Variants in CALN1 observed in about 807,000 individuals in gnomAD.
The protein encoded by CALN1 is calneuron 1, also known as calcium-binding protein 8.
Under a neutral mutation model 30.6 loss-of-function variants are expected in CALN1, and 17 were observed. The observed-to-expected ratio is 0.56, with a 90% confidence interval of 0.38 to 0.83. The LOEUF is 0.83. Among genes scored for constraint, CALN1 ranks in the 40% least tolerant of loss-of-function variants. The pLI is 0.00. For missense variants in CALN1, 291 were observed against 354.9 expected, an observed-to-expected ratio of 0.82 and a Z score of 1.45; for synonymous variants, 156 against 131.4, an observed-to-expected ratio of 1.19 and a Z score of -1.28.
chr7:72,143,527 T>C (rs1810114037), intron 3 of CALN1, among the ~76,000 whole-genome samples: 1 of 152,096 alleles, frequency 6.6e-6, no homozygotes, highest in Non-Finnish European at 1.5e-5. Context: ...ACGGGGAGAA[T>C]GGAACCAAGT....
chr7:72,446,481 G>C lies in CALN1; in HGVS notation c.-226+561C>G, dbSNP rs1033189800. Among the ~76,000 whole-genome samples the C allele has an allele frequency of 5.4e-5, 8 of 148,464 alleles. No individual in the cohort carries two copies. The East Asian group carries it at 1.5e-3, about 27-fold the overall frequency. On this transcript the variant is annotated intron_variant, in intron 1 of 6. Transcript: ENST00000395276. Reference sequence around the variant, plus strand: ...ACAGCAAGCATTTGAAAGGAGCAGCGTTCAGAGAGTAAAGACGAGGGGAGA... The same window carrying C: ...ACAGCAAGCATTTGAAAGGAGCAGCCTTCAGAGAGTAAAGACGAGGGGAGA...
Position 71,785,754 on chromosome 7 carries a change from G to C in CALN1, c.*2021C>G, listed in dbSNP as rs534399470. 1 of 152,576 alleles carries C rather than the reference G, an allele frequency of 6.6e-6. No homozygotes were observed. The highest frequency in any genetic ancestry group is 1.5e-5 in the Non-Finnish European group (1 of 68,234). The allele number at this position is 152,576 out of a possible 1,614,324, so 9.5% of individuals were successfully genotyped here. The stretch of plus-strand genomic sequence containing the variant: ...TGTATTAATATTCTGCATTTGGACC[G>C]GTTCTAGTTGAGAATTCCAATCCTA... On this transcript the variant is annotated 3_prime_UTR_variant, in exon 7 of 7. Coordinates refer to ENST00000395275, the MANE Select transcript of CALN1 (RefSeq NM_031468.4).
In CALN1 at chr7:71,979,869, C is replaced by CTTTT. The variant is rs555621436; in HGVS notation, c.501+43784_501+43787dup. 3.7e-4 allele frequency among the ~76,000 whole-genome samples: 33 copies of CTTTT among 89,680 alleles called. No individual in the cohort carries two copies. The East Asian group carries it at 3.7e-3, about 10-fold the overall frequency. 58.8% of individuals were successfully genotyped at this position (89,680 alleles called of 152,430 possible). A position where few individuals can be genotyped will look rare whatever the true frequency, so the allele number is the denominator to read the frequency against. Reference sequence around the variant, plus strand: ...ATAAAATCTCAGACACATCAGGATTCTTTTTTTTTTTTTTTTTTTTTTTTT... The same window carrying CTTTT: ...ATAAAATCTCAGACACATCAGGATTCTTTTTTTTTTTTTTTTTTTTTTTTTTTTT... On this transcript the variant is annotated intron_variant, in intron 5 of 6. Transcript: ENST00000395275.
intron 3 of CALN1, among the ~76,000 whole-genome samples, chr7:72,259,632 C>T (rs1796142025): frequency 6.6e-6 from 1 of 152,042 alleles, no homozygotes; most frequent in South Asian, 2.1e-4. Flanking sequence ...ACTTTTAATC[C>T]CTTTCACATT....
intron 3 of CALN1, among the ~76,000 whole-genome samples, chr7:72,208,935 TTC>T (rs1304380039): frequency 6.6e-6 from 1 of 151,950 alleles, no homozygotes; most frequent in Admixed American, 6.6e-5. Context: ...TCCAGTCATG[TTC>T]TGTTTCTTTC....
At chr7:72,388,613 G>A (rs996855260) in intron 2 of CALN1, among the ~76,000 whole-genome samples, 4 of 152,080 alleles carry the variant, frequency 2.6e-5, no homozygotes, top group Non-Finnish European at 5.9e-5. Context: ...ATTCAAAACC[G>A]TTCTAAAAAA....
intron 5 of CALN1, among the ~76,000 whole-genome samples, chr7:71,866,381 C>G (rs552234318): frequency 1.4e-4 from 22 of 151,872 alleles, no homozygotes; most frequent in African/African-American, 5.3e-4. Flanking sequence ...GTTCCATATG[C>G]TATATTATGT....
At position 72,176,461 on chromosome 7, in the gene CALN1, C is replaced by T. The variant is rs367544585; in HGVS notation, c.245-70167G>A. Among the ~76,000 whole-genome samples, 3 of 152,114 alleles carry T rather than the reference C, an allele frequency of 2.0e-5. No homozygotes were observed. The South Asian group carries it at 6.2e-4, about 32-fold the overall frequency. On this transcript the variant is annotated intron_variant, in intron 3 of 6. Coordinates refer to ENST00000395275, the MANE Select transcript of CALN1 (RefSeq NM_031468.4). ...GTTTGGGTCATGGGGGCGGATCCCT[C>T]ATGAATGTCTTAGTGCTGGCCTTGA...
rs11316833 is a variant in CALN1 at position 72,040,323 on chromosome 7, TAA to T, written c.389-16556_389-16555del. On this transcript the variant is annotated intron_variant, in intron 4 of 6. Transcript: ENST00000395275. Reference sequence around the variant, plus strand: ...GAGCTCATCCTTACAAAAATTACAATAAAAAAAAAAAAATAGCCAGCTGTGAT... The same window carrying T: ...GAGCTCATCCTTACAAAAATTACAATAAAAAAAAAAATAGCCAGCTGTGAT... Among the ~76,000 whole-genome samples, 1,077 of 141,730 alleles carry T rather than the reference TAA, an allele frequency of 7.6e-3. 14 individuals are homozygous for T. Among genetic ancestry groups the T allele is most frequent in the African/African-American group, 0.026 (990 of 38,764 alleles). 93.0% of individuals were successfully genotyped at this position (141,730 alleles called of 152,430 possible).
chr7:71,924,804 A>G (rs751989408), intron 5 of CALN1, among the ~76,000 whole-genome samples: 6 of 152,166 alleles, frequency 3.9e-5, no homozygotes, highest in Non-Finnish European at 7.3e-5. Context: ...ATTGTTGTCA[A>G]TCATTTAACT....
intron 5 of CALN1, among the ~76,000 whole-genome samples, chr7:71,811,669 C>CTTTTTTCTTCTTTTTT (rs1787964310): frequency 8.3e-6 from 1 of 121,176 alleles, no homozygotes; most frequent in Non-Finnish European, 1.7e-5. Flanking sequence ...GTGTCGCTTT[C>CTTTTTTCTTCTTTTTT]TTTTTTCTTT....
At chr7:72,014,710 G>A (rs844704) in intron 5 of CALN1, among the ~76,000 whole-genome samples, 44,028 of 151,980 alleles carry the variant, frequency 0.29, 10,109 homozygotes, top group African/African-American at 0.64. Context: ...TGTCTAGGCT[G>A]GAGTGCAGTG....
intron 4 of CALN1, among the ~76,000 whole-genome samples, chr7:72,096,873 G>A (rs577655545): frequency 3.3e-5 from 5 of 152,196 alleles, no homozygotes; most frequent in African/African-American, 1.2e-4. Flanking sequence ...TGTTTATTGT[G>A]GCACTATTCA....
chr7:72,063,365 A>G (rs1271687816), intron 4 of CALN1, among the ~76,000 whole-genome samples: 1 of 152,232 alleles, frequency 6.6e-6, no homozygotes, highest in Non-Finnish European at 1.5e-5. Context: ...ATGACATGCA[A>G]TGCCATAAGT....
At chr7:72,504,186 T>C in the CALN1 span, among the ~76,000 whole-genome samples, 2 of 152,150 alleles carry the variant, frequency 1.3e-5, no homozygotes. Flanking sequence ...GGCAAACGGA[T>C]TGCTGTGCCC....
intron 3 of CALN1, among the ~76,000 whole-genome samples, chr7:72,169,026 G>A (rs1055748965): frequency 2.6e-5 from 4 of 151,614 alleles, no homozygotes; most frequent in Non-Finnish European, 4.4e-5. Context: ...GGCTGGTCTC[G>A]AACTCCTGAC....
At chr7:72,166,933 C>G (rs1007629920) in intron 3 of CALN1, among the ~76,000 whole-genome samples, 1 of 151,906 alleles carries the variant, frequency 6.6e-6, no homozygotes, top group African/African-American at 2.4e-5. Flanking sequence ...ATAGTCTCAG[C>G]TGAGGAATTA....
intron 2 of CALN1, among the ~76,000 whole-genome samples, chr7:72,391,997 G>C (rs1446013573): frequency 6.6e-6 from 1 of 152,202 alleles, no homozygotes. Flanking sequence ...GAGTATGGCA[G>C]AAGCAATAGC....
chr7:72,317,563 C>A (rs1800570411), intron 2 of CALN1, among the ~76,000 whole-genome samples: 1 of 152,180 alleles, frequency 6.6e-6, no homozygotes, highest in African/African-American at 2.4e-5. Flanking sequence ...GACAGCTGGG[C>A]TGCAAACGCT....
Sources: allele counts gnomAD v4.1 joint callset (sites outside exome capture counted in the v4.1 genomes callset), GRCh38; gene constraint gnomAD v4.1.1; transcripts MANE v1.5; gene names NCBI Gene and HGNC (gene_info 2026-07-23, HGNC 2026-07-21).